The following HS6ST3 variants were observed in gnomAD, a reference collection of about 807,000 sequenced individuals.
HS6ST3 encodes the protein heparan-sulfate 6-O-sulfotransferase 3.
Under a neutral mutation model 36.7 loss-of-function variants are expected in HS6ST3, and 12 were observed. That is an observed-to-expected ratio of 0.33 (90% CI 0.21 to 0.53). The LOEUF is 0.53. HS6ST3 is among the 20% of genes least tolerant of loss of function. The pLI, the probability that HS6ST3 is intolerant of heterozygous loss-of-function variation, is 0.95. For missense variants in HS6ST3, 584 were observed against 640.9 expected (o/e 0.91, Z 0.96); for synonymous variants, 240 against 257.5 (o/e 0.93, Z 0.65).
chr13:96,644,858 A>G (rs2056583017), intron 1 of HS6ST3, among the ~76,000 whole-genome samples: 1 of 151,996 alleles, frequency 6.6e-6, no homozygotes, highest in Non-Finnish European at 1.5e-5. Flanking sequence ...TTTTCCCTCT[A>G]TGGATCTTTC....
intron 1 of HS6ST3, among the ~76,000 whole-genome samples, chr13:96,757,552 G>T (rs374251536): frequency 6.6e-6 from 1 of 151,882 alleles, no homozygotes; most frequent in Admixed American, 6.6e-5. Context: ...GATTTGTCTC[G>T]ATCTTAGGGT....
chr13:96,210,123 C>CT (rs1460203490), intron 1 of HS6ST3, among the ~76,000 whole-genome samples: 3 of 152,124 alleles, frequency 2.0e-5, no homozygotes, highest in Non-Finnish European at 2.9e-5. Context: ...CCTATGTGTA[C>CT]TTTTTTGCTA....
chr13:96,813,300 A>C (rs1878357794), intron 1 of HS6ST3, among the ~76,000 whole-genome samples: 1 of 152,144 alleles, frequency 6.6e-6, no homozygotes, highest in Admixed American at 6.5e-5. Context: ...TGCCCCACAA[A>C]ATGTTACTTG....
intron 1 of HS6ST3, among the ~76,000 whole-genome samples, chr13:96,732,609 T>C (rs1194919452): frequency 6.6e-6 from 1 of 152,190 alleles, no homozygotes; most frequent in African/African-American, 2.4e-5. Context: ...TTCATTTTGC[T>C]CAAGATCAGT....
chr13:96,716,996 G>A (rs1260761552), intron 1 of HS6ST3, among the ~76,000 whole-genome samples: 1 of 152,076 alleles, frequency 6.6e-6, no homozygotes, highest in African/African-American at 2.4e-5. Context: ...ACTGACAATC[G>A]GGTCCATTAG....
At chr13:96,573,625 G>A (rs2056309291) in intron 1 of HS6ST3, 1 of 249,292 alleles carries the variant, frequency 4.0e-6, no homozygotes, top group Admixed American at 6.1e-5. Context: ...CACCCAATCA[G>A]GATAGGAAAA....
chr13:96,651,817 T>C (rs2056608582), intron 1 of HS6ST3, among the ~76,000 whole-genome samples: 1 of 152,118 alleles, frequency 6.6e-6, no homozygotes, highest in Non-Finnish European at 1.5e-5. Flanking sequence ...TGTTCTAACC[T>C]TGGCTCTTTA....
At chr13:96,453,505 G>A (rs2055740147) in intron 1 of HS6ST3, among the ~76,000 whole-genome samples, 1 of 152,184 alleles carries the variant, frequency 6.6e-6, no homozygotes, top group South Asian at 2.1e-4. Context: ...GCTATAAGAT[G>A]TGCAGAAACA....
At chr13:96,273,279 A>G (rs959147227) in intron 1 of HS6ST3, among the ~76,000 whole-genome samples, 1 of 151,964 alleles carries the variant, frequency 6.6e-6, no homozygotes, top group African/African-American at 2.4e-5. Context: ...TAATGCTTGT[A>G]GATAATTCTT....
chr13:96,658,164 C>A (rs2056632133), intron 1 of HS6ST3, among the ~76,000 whole-genome samples: 1 of 151,554 alleles, frequency 6.6e-6, no homozygotes, highest in African/African-American at 2.4e-5. Flanking sequence ...GAGATTTATT[C>A]ACATTGTTGC....
chr13:96,609,616 A>G (rs1490613997), intron 1 of HS6ST3, among the ~76,000 whole-genome samples: 1 of 152,184 alleles, frequency 6.6e-6, no homozygotes, highest in African/African-American at 2.4e-5. Flanking sequence ...ACTAGAACTC[A>G]GTTGATGCTG....
At chr13:96,489,838 C>T (rs2055935960) in intron 1 of HS6ST3, among the ~76,000 whole-genome samples, 1 of 152,080 alleles carries the variant, frequency 6.6e-6, no homozygotes. Context: ...ATATTTATAT[C>T]ATAGCATATC....
chr13:96,500,264 G>A (rs552771424), intron 1 of HS6ST3, among the ~76,000 whole-genome samples: 7 of 152,084 alleles, frequency 4.6e-5, no homozygotes, highest in East Asian at 3.9e-4. Context: ...TCAGCACTCC[G>A]TTTCTTTTTA....
chr13:96,731,407 C>T (rs1348434392), intron 1 of HS6ST3, among the ~76,000 whole-genome samples: 1 of 152,098 alleles, frequency 6.6e-6, no homozygotes, highest in Non-Finnish European at 1.5e-5. Flanking sequence ...TCCATGTTGT[C>T]GCAAATGACG....
chr13:96,758,439 T>G lies in HS6ST3; in HGVS notation c.708-74051T>G, dbSNP rs375423799. On this transcript the variant is annotated intron_variant, in intron 1 of 1. Coordinates refer to ENST00000376705, the MANE Select transcript of HS6ST3 (RefSeq NM_153456.4). The stretch of plus-strand genomic sequence containing the variant: ...TGCTGAGTTCTGGCCTTTATTATTT[T>G]TTCCTTCTTCTTTCAGCTTATTTTG... 7.2e-5 allele frequency among the ~76,000 whole-genome samples: 11 copies of G among 152,016 alleles called. No homozygotes were observed. In the East Asian group the frequency reaches 2.1e-3, roughly 29 times the overall value.
chr13:96,111,830 G>T (rs1225526602), intron 1 of HS6ST3, among the ~76,000 whole-genome samples: 1 of 152,168 alleles, frequency 6.6e-6, no homozygotes, highest in African/African-American at 2.4e-5. Flanking sequence ...GAGAACTGCA[G>T]ATTTCATTGG....
intron 1 of HS6ST3, among the ~76,000 whole-genome samples, chr13:96,675,719 A>G (rs1032626765): frequency 6.6e-6 from 1 of 152,192 alleles, no homozygotes; most frequent in African/African-American, 2.4e-5. Flanking sequence ...GGCAGGAAAG[A>G]TTATTGTAAG....
chr13:96,346,177 G>A (rs1433327181), intron 1 of HS6ST3, among the ~76,000 whole-genome samples: 4 of 152,140 alleles, frequency 2.6e-5, no homozygotes, highest in Admixed American at 6.5e-5. Context: ...CAGGTGTTGG[G>A]GACCCCTGCT....
At chr13:96,391,172 T>G (rs1235846576) in intron 1 of HS6ST3, among the ~76,000 whole-genome samples, 1 of 152,224 alleles carries the variant, frequency 6.6e-6, no homozygotes, top group Admixed American at 6.5e-5. Context: ...TTCTCTATGC[T>G]CGCTTGATAG....
Sources: gnomAD v4.1 joint callset for allele counts (sites outside exome capture counted in the v4.1 genomes callset) on GRCh38, gnomAD v4.1.1 for gene constraint, MANE v1.5 for transcripts, NCBI Gene and HGNC (gene_info 2026-07-23, HGNC 2026-07-21) for gene names.